ATPSCKMT: variants seen among roughly 807,000 people sequenced by gnomAD.
ATPSCKMT encodes the protein ATP synthase subunit C lysine N-methyltransferase.
Under a neutral mutation model 24.3 loss-of-function variants are expected in ATPSCKMT, and 24 were observed. The observed-to-expected ratio is 0.99, with a 90% CI of 0.71 to 1.39. ATPSCKMT has a LOEUF of 1.39. ATPSCKMT is among the 40% of genes most tolerant of loss of function. ATPSCKMT has a pLI of 0.00. For synonymous variants in ATPSCKMT, 95 were observed against 110.5 expected (o/e 0.86, Z 0.88); for missense variants, 311 against 298.4 (o/e 1.04, Z -0.31).
At chr5:10,246,593 A>G (rs2578621) in intron 1 of ATPSCKMT, among the ~76,000 whole-genome samples, 111,104 of 152,168 alleles carry the variant, frequency 0.73, 42,980 homozygotes, top group East Asian at 0.86. Flanking sequence ...TCAGTTCTTT[A>G]TTTCTTTTTA....
chr5:10,237,280 T>C (rs1174687208), intron 2 of ATPSCKMT, among the ~76,000 whole-genome samples: 1 of 152,236 alleles, frequency 6.6e-6, no homozygotes, highest in Non-Finnish European at 1.5e-5. Context: ...CCTAAGATAG[T>C]TCCCAAGTAC....
At position 10,227,331 on chromosome 5, in the gene ATPSCKMT, T is replaced by A; in HGVS notation, c.*110A>T. 1 of 1,134,204 alleles carries A rather than the reference T, an allele frequency of 8.8e-7. No individual in the cohort carries two copies. Among genetic ancestry groups the A allele is most frequent in the Non-Finnish European group, 1.3e-6 (1 of 798,144 alleles). 70.3% of individuals were successfully genotyped at this position (1,134,204 alleles called of 1,614,324 possible). ...AACAGTTAAGGAAAGTAATAGTAATTTCTCATTCCAAACCAAAGACAATTA... is the reference window on the plus strand; with the variant it reads ...AACAGTTAAGGAAAGTAATAGTAATATCTCATTCCAAACCAAAGACAATTA... On this transcript the variant is annotated 3_prime_UTR_variant, in exon 5 of 5. Coordinates refer to ENST00000511437, the MANE Select transcript of ATPSCKMT (RefSeq NM_199133.4).
Position 10,227,619 on chromosome 5 carries a change from C to G in ATPSCKMT, c.524G>C (p.Arg175Pro). Residue 175 changes from arginine (R) to proline (P), a missense_variant, in exon 5 of 5, where the codon CGT becomes CCT. Arg to Pro is a moderately radical substitution (Grantham distance 103). Coordinates refer to ENST00000511437, the MANE Select transcript of ATPSCKMT (RefSeq NM_199133.4). The part of the protein sequence containing the change: ...MMLQLEKKLE[R>P]ELEDDARVIA... ...AACTCGTGCATCATCCTCAAGTTCA[C>G]GTTCAAGTTTCTTCTCCAACTGCAG... The G allele has an allele frequency of 6.2e-7, 1 of 1,614,176 alleles. No homozygotes were observed. The highest frequency in any genetic ancestry group is 8.5e-7 in the Non-Finnish European group (1 of 1,180,038).
intron 4 of ATPSCKMT, among the ~76,000 whole-genome samples, chr5:10,232,994 T>C (rs1486982414): frequency 1.3e-5 from 2 of 152,238 alleles, no homozygotes; most frequent in African/African-American, 4.8e-5. Context: ...CCTTTTTAGA[T>C]AGATACATAC....
intron 1 of ATPSCKMT, among the ~76,000 whole-genome samples, chr5:10,240,294 T>C (rs1170803086): frequency 6.6e-6 from 1 of 151,730 alleles, no homozygotes; most frequent in Non-Finnish European, 1.5e-5. Flanking sequence ...AAACATAAAA[T>C]AACGCAGACC....
intron 4 of ATPSCKMT, among the ~76,000 whole-genome samples, chr5:10,233,763 T>C (rs1475331593): frequency 6.6e-6 from 1 of 152,210 alleles, no homozygotes; most frequent in African/African-American, 2.4e-5. Flanking sequence ...GCTAACATTC[T>C]ATTTTTATAA....
At chr5:10,243,721 C>A (rs191053869) in intron 1 of ATPSCKMT, among the ~76,000 whole-genome samples, 1 of 152,336 alleles carries the variant, frequency 6.6e-6, no homozygotes, top group Admixed American at 6.5e-5. Context: ...GAGTTAGGGC[C>A]TTGCTCTAGA....
intron 4 of ATPSCKMT, 72 bp downstream of exon 4, chr5:10,235,139 G>A: frequency 7.2e-7 from 1 of 1,387,596 alleles, no homozygotes; most frequent in Non-Finnish European, 1.0e-6. Context: ...ACGGGTGAGT[G>A]GTGGTGTTGT....
At position 10,231,269 on chromosome 5, in the gene ATPSCKMT, T is replaced by C. The variant is rs577924519; in HGVS notation, c.496-3622A>G. On this transcript the variant is annotated intron_variant, in intron 4 of 4. Transcript: ENST00000511437. ...ACGTTAGATCTGCCAGCTAGTCCTG[T>C]GGATTTTATCTTCACAATGCACACA... Among the ~76,000 whole-genome samples the C allele has an allele frequency of 3.9e-5, 6 of 152,284 alleles. No individual in the cohort carries two copies. The South Asian group carries it at 8.3e-4, about 21-fold the overall frequency.
chr5:10,249,851 G>A lies in ATPSCKMT; in HGVS notation c.16+7C>T, dbSNP rs1745230598. ...CCCAGGAACCCGCCAAGCCGCTCCA[G>A]CCTCACCTCCTCCTCCCTCCATCGC... On this transcript the variant is annotated splice_region_variant and intron_variant, in intron 1 of 4. Coordinates refer to ENST00000511437, the MANE Select transcript of ATPSCKMT (RefSeq NM_199133.4). The A allele has an allele frequency of 7.6e-7, 1 of 1,311,458 alleles. No homozygotes were observed. The highest frequency in any genetic ancestry group is 1.9e-5 in the African/African-American group (1 of 53,054). The allele number at this position is 1,311,458 out of a possible 1,614,324, so 81.2% of individuals were successfully genotyped here. A position where few individuals can be genotyped will look rare whatever the true frequency, so the allele number is the denominator to read the frequency against.
rs779097396 is a variant in ATPSCKMT at position 10,235,224 on chromosome 5, C to T, written c.482G>A (p.Gly161Asp). ...GTGCATACTCACCATCTGAGGCACA[C>T]CGAAAATAACAACGTTCGAGTACTG... ...FSQYSNVVIF[G>D]VPQMMLQLEK... Residue 161 changes from glycine (G) to aspartate (D), a missense_variant, in exon 4 of 5, where the codon GGT becomes GAT. Physicochemically the swap from Gly to Asp is moderately conservative, Grantham distance 94. Transcript: ENST00000511437. The T allele has an allele frequency of 6.2e-7, 1 of 1,613,720 alleles. No homozygotes were observed. The highest frequency in any genetic ancestry group is 8.5e-7 in the Non-Finnish European group (1 of 1,179,752).
chr5:10,238,071 G>C (rs1744455457), intron 2 of ATPSCKMT, among the ~76,000 whole-genome samples: 1 of 152,176 alleles, frequency 6.6e-6, no homozygotes, highest in African/African-American at 2.4e-5. Context: ...GAAACAAATA[G>C]TGGCTCCCAG....
chr5:10,233,032 A>C (rs755682737), intron 4 of ATPSCKMT, among the ~76,000 whole-genome samples: 26 of 152,272 alleles, frequency 1.7e-4, no homozygotes, highest in Non-Finnish European at 3.2e-4. Flanking sequence ...GGCACCTCTG[A>C]TTTTGAGCTA....
chr5:10,237,288 T>G (rs1160500140), intron 2 of ATPSCKMT, among the ~76,000 whole-genome samples: 1 of 152,222 alleles, frequency 6.6e-6, no homozygotes, highest in Non-Finnish European at 1.5e-5. Flanking sequence ...AGTTCCCAAG[T>G]ACTACAGTGC....
intron 4 of ATPSCKMT, among the ~76,000 whole-genome samples, chr5:10,234,224 A>C (rs933949020): frequency 6.6e-6 from 1 of 152,144 alleles, no homozygotes; most frequent in Non-Finnish European, 1.5e-5. Flanking sequence ...GCTACTCAGG[A>C]GGCTGATGCA....
chr5:10,245,512 G>A (rs1404654417), intron 1 of ATPSCKMT, among the ~76,000 whole-genome samples: 2 of 152,104 alleles, frequency 1.3e-5, no homozygotes, highest in African/African-American at 4.8e-5. Flanking sequence ...TTGGGAGGCT[G>A]AGGCGGGTGG....
At chr5:10,241,903 T>G (rs1032540257) in intron 1 of ATPSCKMT, among the ~76,000 whole-genome samples, 1 of 152,242 alleles carries the variant, frequency 6.6e-6, no homozygotes, top group Non-Finnish European at 1.5e-5. Context: ...AAACAATGTA[T>G]GTACCTTAAT....
rs1355135691 is a variant in ATPSCKMT, at chr5:10,225,893, C to A, written c.*1548G>T. Among the ~76,000 whole-genome samples the A allele has an allele frequency of 6.6e-6, 1 of 152,150 alleles. No individual in the cohort carries two copies. The highest frequency in any genetic ancestry group is 2.4e-5 in the African/African-American group (1 of 41,420). On this transcript the variant is annotated 3_prime_UTR_variant, in exon 5 of 5. Coordinates refer to ENST00000511437, the MANE Select transcript of ATPSCKMT (RefSeq NM_199133.4). The stretch of plus-strand genomic sequence containing the variant: ...CCATGGATCCCCCTCCGAGTGTGCC[C>A]AGACCAGTTACAGGACTGGTTACAG...
chr5:10,240,384 A>G (rs1302216375), intron 1 of ATPSCKMT, among the ~76,000 whole-genome samples: 3 of 152,208 alleles, frequency 2.0e-5, no homozygotes, highest in African/African-American at 4.8e-5. Flanking sequence ...TTTAAATGGG[A>G]TCTCAAGATT....
Sources: gnomAD v4.1 joint callset for allele counts (sites outside exome capture counted in the v4.1 genomes callset) on GRCh38, gnomAD v4.1.1 for gene constraint, MANE v1.5 for transcripts, NCBI Gene and HGNC (gene_info 2026-07-23, HGNC 2026-07-21) for gene names.